The following COL24A1 variants were observed in gnomAD, a reference collection of about 807,000 sequenced individuals.
COL24A1 encodes collagen alpha-1(XXIV) chain.
Under a neutral mutation model 253.9 loss-of-function variants are expected in COL24A1, and 224 were observed. That is an observed-to-expected ratio of 0.88 (90% CI 0.79 to 0.99). COL24A1 has a LOEUF of 0.99. Ranked by LOEUF, COL24A1 falls within the 50% of genes least tolerant of loss-of-function variation. The probability of loss-of-function intolerance (pLI) is 0.00; values close to 1 mark genes in which losing one functional copy is unlikely to be tolerated. For synonymous variants in COL24A1, 685 were observed against 673.7 expected (o/e 1.02, Z -0.26); for missense variants, 2,131 against 2,068.5 (o/e 1.03, Z -0.59).
intron 35 of COL24A1, among the ~76,000 whole-genome samples, chr1:85,871,354 GCA>G (rs1410170484): frequency 6.6e-6 from 1 of 152,138 alleles, no homozygotes; most frequent in African/African-American, 2.4e-5. Context: ...TATGAGGCCA[GCA>G]TCATCCTGAT....
chr1:85,830,688 G>T lies in COL24A1; in HGVS notation c.3682-6950C>A, dbSNP rs12036919. ...CGGGTCAGAGTGACCCGATTTTCCAGGTGCCATCTGTCACCTCTTTCTTTG... is the reference window on the plus strand; with the variant it reads ...CGGGTCAGAGTGACCCGATTTTCCATGTGCCATCTGTCACCTCTTTCTTTG... On this transcript the variant is annotated intron_variant, in intron 43 of 59. Transcript: ENST00000370571. Among the ~76,000 whole-genome samples, 1,054 of 152,268 alleles carry T rather than the reference G, an allele frequency of 6.9e-3. 51 individuals carry two copies. In the East Asian group the frequency reaches 0.11, roughly 16 times the overall value.
At chr1:85,979,365 A>G (rs967908152) in intron 20 of COL24A1, among the ~76,000 whole-genome samples, 2 of 152,122 alleles carry the variant, frequency 1.3e-5, no homozygotes, top group African/African-American at 4.8e-5. Flanking sequence ...AATTAAATTG[A>G]AACAAAAAAT....
intron 2 of COL24A1, among the ~76,000 whole-genome samples, chr1:86,137,204 C>A (rs912645681): frequency 2.0e-5 from 3 of 152,116 alleles, no homozygotes; most frequent in African/African-American, 7.2e-5. Context: ...AAAATCAATC[C>A]AGTTCATGTC....
chr1:85,824,903 T>TTTATTATTA (rs67610324), intron 43 of COL24A1, among the ~76,000 whole-genome samples: 45 of 144,854 alleles, frequency 3.1e-4, no homozygotes, highest in African/African-American at 4.0e-4. Flanking sequence ...TATTTATTCT[T>TTTATTATTA]TTATTATTAT....
intron 2 of COL24A1, among the ~76,000 whole-genome samples, chr1:86,144,479 A>G (rs1017086410): frequency 1.3e-5 from 2 of 152,138 alleles, no homozygotes; most frequent in Admixed American, 6.5e-5. Context: ...CTAGATTCAA[A>G]TCTAAGCTGT....
chr1:85,937,932 ATAT>A (rs1049098127), intron 24 of COL24A1, among the ~76,000 whole-genome samples: 3 of 147,532 alleles, frequency 2.0e-5, no homozygotes, highest in African/African-American at 7.5e-5. Flanking sequence ...GATCCCCAAA[ATAT>A]TATGTCAGAG....
At chr1:85,950,015 G>A (rs1462399441) in intron 24 of COL24A1, among the ~76,000 whole-genome samples, 4 of 152,000 alleles carry the variant, frequency 2.6e-5, no homozygotes, top group Admixed American at 2.6e-4. Context: ...TGATGCCTAA[G>A]GCCTTCTTAC....
At chr1:86,102,013 G>A (rs2102051945) in intron 5 of COL24A1, among the ~76,000 whole-genome samples, 1 of 151,482 alleles carries the variant, frequency 6.6e-6, no homozygotes, top group East Asian at 1.9e-4. Flanking sequence ...ATCTGGTCCT[G>A]AGCTTTTTTT....
chr1:86,004,324 C>G (rs184167924), intron 19 of COL24A1, among the ~76,000 whole-genome samples: 2 of 152,088 alleles, frequency 1.3e-5, no homozygotes, highest in Admixed American at 1.3e-4. Flanking sequence ...TACAGAATGC[C>G]TGATCCACAG....
At chr1:85,815,294 G>A (rs1227391472) in intron 47 of COL24A1, among the ~76,000 whole-genome samples, 3 of 152,212 alleles carry the variant, frequency 2.0e-5, no homozygotes, top group Non-Finnish European at 2.9e-5. Context: ...ATCACATGGT[G>A]AGTCCGGAGA....
At chr1:85,947,673 C>T (rs946706151) in intron 24 of COL24A1, among the ~76,000 whole-genome samples, 4 of 152,194 alleles carry the variant, frequency 2.6e-5, no homozygotes, top group Admixed American at 1.3e-4. Context: ...ACTGATTGAA[C>T]TTCAAGTGGC....
At position 85,877,093 on chromosome 1, in the gene COL24A1, TGAA is replaced by T. The variant is rs753859446; in HGVS notation, c.3030+26_3030+28del. 7.8e-5 allele frequency: 121 copies of T among 1,552,710 alleles called. 1 individual carries two copies. Among genetic ancestry groups the T allele is most frequent in the Non-Finnish European group, 8.9e-5 (101 of 1,136,726 alleles). ...AGTCTTACAAAAAGTAGAATATTTA[TGAA>T]GAAGAACTAGCCACAAAAAATTTAC... On this transcript the variant is annotated intron_variant, in intron 33 of 59. Coordinates refer to ENST00000370571, the MANE Select transcript of COL24A1 (RefSeq NM_152890.7).
chr1:85,925,392 T>G (rs956042387), intron 24 of COL24A1, among the ~76,000 whole-genome samples: 3 of 152,112 alleles, frequency 2.0e-5, no homozygotes, highest in African/African-American at 7.2e-5. Flanking sequence ...AGAACAAAGC[T>G]GGAGGCATCA....
At chr1:85,908,095 T>G (rs1029559918) in intron 27 of COL24A1, among the ~76,000 whole-genome samples, 1 of 151,804 alleles carries the variant, frequency 6.6e-6, no homozygotes, top group South Asian at 2.1e-4. Flanking sequence ...TATTTTAAGT[T>G]CATAATAGCT....
chr1:85,786,844 C>A (rs1035469463), intron 47 of COL24A1, among the ~76,000 whole-genome samples: 1 of 152,144 alleles, frequency 6.6e-6, no homozygotes, highest in Non-Finnish European at 1.5e-5. Context: ...GAAGAAAATT[C>A]TATTCCTCAA....
chr1:85,766,469 AC>A, intron 53 of COL24A1, among the ~76,000 whole-genome samples: 1 of 151,904 alleles, frequency 6.6e-6, no homozygotes, highest in South Asian at 2.1e-4. Flanking sequence ...AGGCAGGCAG[AC>A]CGGGAGCAAG....
At position 85,868,811 on chromosome 1, in the gene COL24A1, C is replaced by G. The variant is rs370056237; in HGVS notation, c.3163G>C (p.Glu1055Gln). Residue 1055 changes from glutamate to glutamine, a missense_variant, in exon 36 of 60, where the codon GAA (glutamate) becomes CAA (glutamine). Physicochemically the swap from Glu to Gln is conservative, Grantham distance 29. Coordinates refer to ENST00000370571, the MANE Select transcript of COL24A1 (RefSeq NM_152890.7). ...AACCCATCTTTTCCCTGGAGACCTT[C>G]TTCTCCAGGAGCTCCTGGTTCACCC... Reference protein sequence around the residue: ...LRGEPGAPGEEGLQGKDGLKG... With the variant: ...LRGEPGAPGEQGLQGKDGLKG... 1 of 1,590,378 alleles carries G rather than the reference C, an allele frequency of 6.3e-7. No homozygotes were observed.
chr1:86,012,880 T>C (rs867766386), intron 19 of COL24A1, among the ~76,000 whole-genome samples: 2 of 152,316 alleles, frequency 1.3e-5, no homozygotes, highest in Middle Eastern at 3.4e-3. Context: ...CCAGTTACAT[T>C]GGCATTCTTT....
At chr1:85,961,378 T>C in intron 23 of COL24A1, 85 bp from the exon 24 acceptor site, 2 of 1,095,160 alleles carry the variant, frequency 1.8e-6, no homozygotes, top group Non-Finnish European at 2.8e-6. Context: ...CTTTTTAATG[T>C]AATTATCTAG....
Sources: gnomAD v4.1 joint callset for allele counts (sites outside exome capture counted in the v4.1 genomes callset) on GRCh38, gnomAD v4.1.1 for gene constraint, MANE v1.5 for transcripts, NCBI Gene and HGNC (gene_info 2026-07-23, HGNC 2026-07-21) for gene names.